ZNF420: variants seen among roughly 807,000 people sequenced by gnomAD.
The protein encoded by ZNF420 is zinc finger protein 420, also known as ATM and p53-associated KZNF protein.
In ZNF420, 31 loss-of-function variants were observed where a neutral mutation model predicts 44.7. The ratio of observed to expected loss-of-function variants is 0.69; its 90% CI spans 0.52 to 0.94. ZNF420 has a LOEUF of 0.94. ZNF420 is among the 40% of genes least tolerant of loss of function. The pLI is 0.00. For synonymous variants in ZNF420, 245 were observed against 267.4 expected (o/e 0.92, Z 0.82); for missense variants, 681 against 827.9 (o/e 0.82, Z 2.18).
At chr19:37,104,260 A>T (rs1190321887) in intron 4 of ZNF420, among the ~76,000 whole-genome samples, 3 of 150,682 alleles carry the variant, frequency 2.0e-5, no homozygotes, top group Non-Finnish European at 4.4e-5. Flanking sequence ...TCCTTGAGAT[A>T]GTTTGCTAAG....
chr19:37,016,996 A>G (rs1029740110), intron 1 of ZNF420, among the ~76,000 whole-genome samples: 2 of 152,178 alleles, frequency 1.3e-5, no homozygotes, highest in African/African-American at 2.4e-5. Context: ...ACTTTTGCCA[A>G]TGGATAAGTG....
chr19:37,107,400 ACAT>A (rs1446678418), intron 4 of ZNF420: 1 of 152,294 alleles, frequency 6.6e-6, no homozygotes, highest in Non-Finnish European at 1.5e-5. Context: ...TTAACAAAGT[ACAT>A]CCTGCATAGC....
chr19:37,083,525 T>A (rs947390588), intron 2 of ZNF420, among the ~76,000 whole-genome samples: 1 of 152,234 alleles, frequency 6.6e-6, no homozygotes, highest in African/African-American at 2.4e-5. Flanking sequence ...TTAACTTGTG[T>A]ATTAAAACAT....
At chr19:37,116,633 T>C (rs528614768) in intron 4 of ZNF420, among the ~76,000 whole-genome samples, 2,846 of 152,056 alleles carry the variant, frequency 0.019, 77 homozygotes, top group East Asian at 0.049. Flanking sequence ...GCACACTGTG[T>C]GCGAGCCGAA....
At chr19:37,063,817 C>T (rs1021648881) in intron 1 of ZNF420, among the ~76,000 whole-genome samples, 6 of 152,118 alleles carry the variant, frequency 3.9e-5, no homozygotes, top group African/African-American at 1.4e-4. Context: ...TTTGTTATGA[C>T]CATCGATATC....
At chr19:37,042,274 GGCGTGA>G (rs1967468837) in intron 1 of ZNF420, among the ~76,000 whole-genome samples, 1 of 152,258 alleles carries the variant, frequency 6.6e-6, no homozygotes, top group Non-Finnish European at 1.5e-5. Flanking sequence ...TGGGATTACA[GGCGTGA>G]GCCACTGCGC....
In ZNF420 at chr19:37,128,442, T is replaced by C; in HGVS notation, c.1451T>C (p.Phe484Ser). 6.2e-7 allele frequency: 1 copy of C among 1,614,108 alleles called. No individual in the cohort carries two copies. The highest frequency in any genetic ancestry group is 8.5e-7 in the Non-Finnish European group (1 of 1,179,974). ...GAATGTAAGGAATGTGGGAAATCTT[T>C]TATTCGTGGTTCCCAGCTTACTCAA... Reference protein sequence around the residue: ...PYECKECGKSFIRGSQLTQHQ... With the variant: ...PYECKECGKSSIRGSQLTQHQ... Residue 484 changes from phenylalanine to serine, a missense_variant, in exon 5 of 5, where the codon TTT (phenylalanine) becomes TCT (serine). Physicochemically the swap from Phe to Ser is radical, Grantham distance 155. Transcript: ENST00000337995.
At chr19:37,085,950 TA>T (rs1968744251) in intron 2 of ZNF420, among the ~76,000 whole-genome samples, 1 of 145,538 alleles carries the variant, frequency 6.9e-6, no homozygotes, top group East Asian at 2.0e-4. Context: ...TTATTATTAT[TA>T]TTATTATTAT....
chr19:37,078,999 A>G (rs982814613), intron 1 of ZNF420, among the ~76,000 whole-genome samples: 2 of 151,990 alleles, frequency 1.3e-5, no homozygotes, highest in African/African-American at 2.4e-5. Context: ...CACGGTGTTT[A>G]TTACCGCGTG....
At chr19:37,116,284 G>A (rs191761947) in intron 4 of ZNF420, among the ~76,000 whole-genome samples, 1 of 148,032 alleles carries the variant, frequency 6.8e-6, no homozygotes, top group East Asian at 2.0e-4. Context: ...CAAGAGAATT[G>A]CTTGAATCCA....
chr19:37,014,344 C>T (rs570896971), intron 1 of ZNF420, among the ~76,000 whole-genome samples: 159 of 152,244 alleles, frequency 1.0e-3, no homozygotes, highest in African/African-American at 3.5e-3. Context: ...TCAGCTGTTA[C>T]TGTGCCCCAG....
At chr19:37,069,791 A>T (rs946424988) in intron 1 of ZNF420, among the ~76,000 whole-genome samples, 1 of 152,148 alleles carries the variant, frequency 6.6e-6, no homozygotes, top group Non-Finnish European at 1.5e-5. Flanking sequence ...TGTAGGATGC[A>T]GCTAAAGTTG....
intron 3 of ZNF420, 102 bp from the exon 4 acceptor site, chr19:37,090,893 C>T (rs8101338): frequency 0.14 from 180,821 of 1,277,218 alleles, 13,612 homozygotes; most frequent in African/African-American, 0.23. Context: ...GCACTCCAGC[C>T]TGAGCGACAG....
chr19:37,087,914 G>C (rs949195004), intron 2 of ZNF420, among the ~76,000 whole-genome samples: 5 of 152,176 alleles, frequency 3.3e-5, no homozygotes, highest in Non-Finnish European at 7.3e-5. Context: ...CAAAGTGCTG[G>C]GATTACAGGC....
intron 1 of ZNF420, among the ~76,000 whole-genome samples, chr19:37,034,854 A>C (rs1434940399): frequency 6.6e-6 from 1 of 152,228 alleles, no homozygotes; most frequent in Non-Finnish European, 1.5e-5. Flanking sequence ...TAAACAAGGT[A>C]CAGAGAAGAG....
intron 4 of ZNF420, among the ~76,000 whole-genome samples, chr19:37,104,728 G>A (rs1398110913): frequency 1.3e-5 from 2 of 152,186 alleles, no homozygotes. Flanking sequence ...GCATTTCTCT[G>A]ATGGCCAGTT....
chr19:37,087,400 A>G (rs1459288277), intron 2 of ZNF420, among the ~76,000 whole-genome samples: 2 of 151,982 alleles, frequency 1.3e-5, no homozygotes, highest in Admixed American at 6.5e-5. Context: ...CAGCTCTCTG[A>G]TGAATTTAAA....
At chr19:37,057,274 G>A (rs947667695) in intron 1 of ZNF420, among the ~76,000 whole-genome samples, 3 of 152,220 alleles carry the variant, frequency 2.0e-5, no homozygotes, top group Admixed American at 1.3e-4. Flanking sequence ...CGGGGATCGG[G>A]TGAGCCTCCC....
At chr19:37,099,676 T>C (rs1969654144) in intron 4 of ZNF420, among the ~76,000 whole-genome samples, 1 of 152,118 alleles carries the variant, frequency 6.6e-6, no homozygotes, top group South Asian at 2.1e-4. Flanking sequence ...CAGGCTGGAG[T>C]GCAGTGGTGC....
Sources: allele counts gnomAD v4.1 joint callset (sites outside exome capture counted in the v4.1 genomes callset), GRCh38; gene constraint gnomAD v4.1.1; transcripts MANE v1.5; gene names NCBI Gene and HGNC (gene_info 2026-07-23, HGNC 2026-07-21).